Variants in CNTNAP5 observed in about 807,000 individuals in gnomAD.
CNTNAP5 encodes contactin-associated protein-like 5.
In CNTNAP5, 72 loss-of-function variants were observed where a neutral mutation model predicts 150.2. The observed-to-expected ratio is 0.48, with a 90% CI of 0.40 to 0.58. CNTNAP5 has a LOEUF of 0.58. Among genes scored for constraint, CNTNAP5 ranks in the 20% least tolerant of loss-of-function variants. The probability of loss-of-function intolerance (pLI) is 0.00; values close to 1 mark genes in which losing one functional copy is unlikely to be tolerated. For missense variants in CNTNAP5, 1,636 were observed against 1,626.2 expected (o/e 1.01, Z -0.10); for synonymous variants, 672 against 619.8 (o/e 1.08, Z -1.25).
At chr2:124,747,435 G>T in intron 14 of CNTNAP5, 50 bp downstream of exon 14, 1 of 1,600,740 alleles carries the variant, frequency 6.2e-7, no homozygotes, top group Non-Finnish European at 8.6e-7. Flanking sequence ...CACATTAATT[G>T]ATGCATAAAA....
chr2:124,703,308 T>G (rs1679565618), intron 13 of CNTNAP5, among the ~76,000 whole-genome samples: 1 of 151,510 alleles, frequency 6.6e-6, no homozygotes, highest in Admixed American at 6.6e-5. Context: ...TCATTGGTTT[T>G]TAGAACAATA....
intron 13 of CNTNAP5, among the ~76,000 whole-genome samples, chr2:124,687,284 T>C (rs1679211834): frequency 6.6e-6 from 1 of 151,886 alleles, no homozygotes; most frequent in Admixed American, 6.6e-5. Flanking sequence ...AGAGGGAGTC[T>C]GGATTAGGTA....
intron 12 of CNTNAP5, among the ~76,000 whole-genome samples, chr2:124,626,649 C>T (rs1677728910): frequency 6.6e-6 from 1 of 152,150 alleles, no homozygotes; most frequent in Admixed American, 6.5e-5. Context: ...CGAGCAGGCA[C>T]TGAGCTGCAA....
At chr2:124,910,055 A>G (rs1405050699) in intron 22 of CNTNAP5, among the ~76,000 whole-genome samples, 1 of 151,552 alleles carries the variant, frequency 6.6e-6, no homozygotes, top group Non-Finnish European at 1.5e-5. Flanking sequence ...CCTCTCTCTC[A>G]TGTTGATTTG....
intron 13 of CNTNAP5, among the ~76,000 whole-genome samples, chr2:124,655,941 G>GAAAGAAAGAAAGAAAGAAAGAAAGAA (rs1180720883): frequency 5.0e-4 from 29 of 58,148 alleles, no homozygotes; most frequent in African/African-American, 6.0e-4. Flanking sequence ...GAGAGAGAGA[G>GAAAGAAAGAAAGAAAGAAAGAAAGAA]AGAGAGAAAG....
At chr2:124,632,828 G>C (rs1163742076) in intron 12 of CNTNAP5, among the ~76,000 whole-genome samples, 1 of 152,116 alleles carries the variant, frequency 6.6e-6, no homozygotes, top group Non-Finnish European at 1.5e-5. Flanking sequence ...TGCTTCTGGG[G>C]AGGCCTCAGA....
intron 21 of CNTNAP5, among the ~76,000 whole-genome samples, chr2:124,888,291 T>A (rs957243238): frequency 6.6e-6 from 1 of 152,186 alleles, no homozygotes; most frequent in African/African-American, 2.4e-5. Context: ...TTCTGTTTTA[T>A]GGCTGCATAG....
At chr2:124,264,374 GCACACACACACACATACACA>G (rs1444211494) in intron 3 of CNTNAP5, among the ~76,000 whole-genome samples, 4 of 50,204 alleles carry the variant, frequency 8.0e-5, no homozygotes, top group Admixed American at 2.8e-4. Context: ...ACACACACAG[GCACACACACACACATACACA>G]CACACACACA....
intron 21 of CNTNAP5, among the ~76,000 whole-genome samples, chr2:124,885,929 T>A (rs1377423152): frequency 6.6e-6 from 1 of 152,008 alleles, no homozygotes; most frequent in Non-Finnish European, 1.5e-5. Context: ...GCTGTGAACA[T>A]GTGTATATAT....
intron 3 of CNTNAP5, among the ~76,000 whole-genome samples, chr2:124,253,591 T>C (rs1186043844): frequency 3.3e-5 from 5 of 152,166 alleles, no homozygotes; most frequent in Non-Finnish European, 7.4e-5. Flanking sequence ...AATGGACATA[T>C]GAAGATTTGT....
chr2:124,167,865 G>T (rs193164572), intron 1 of CNTNAP5, among the ~76,000 whole-genome samples: 2 of 152,242 alleles, frequency 1.3e-5, no homozygotes, highest in African/African-American at 4.8e-5. Context: ...GCAAGGCTGA[G>T]GCAGGAAGCC....
At chr2:124,533,188 C>T (rs1695149392) in intron 10 of CNTNAP5, among the ~76,000 whole-genome samples, 1 of 152,090 alleles carries the variant, frequency 6.6e-6, no homozygotes, top group African/African-American at 2.4e-5. Context: ...GTCTCAAGAT[C>T]AGGACTAGAA....
intron 12 of CNTNAP5, among the ~76,000 whole-genome samples, chr2:124,611,217 G>T (rs1677377663): frequency 6.6e-6 from 1 of 152,192 alleles, no homozygotes; most frequent in South Asian, 2.1e-4. Flanking sequence ...GGTATGAAAA[G>T]TAAGACACAG....
chr2:124,665,811 G>C (rs868838488), intron 13 of CNTNAP5, among the ~76,000 whole-genome samples: 1 of 151,812 alleles, frequency 6.6e-6, no homozygotes. Flanking sequence ...GCGGGAACCC[G>C]GGAGGAAGAG....
chr2:124,713,285 CTTTCTTTCT>C (rs1193569071), intron 13 of CNTNAP5, among the ~76,000 whole-genome samples: 1 of 104,968 alleles, frequency 9.5e-6, no homozygotes, highest in Non-Finnish European at 2.1e-5. Flanking sequence ...TTCTTTCTTT[CTTTCTTTCT>C]TTCTTTCTTC....
intron 3 of CNTNAP5, among the ~76,000 whole-genome samples, chr2:124,264,399 C>G (rs866531880): frequency 7.0e-5 from 7 of 100,128 alleles, no homozygotes; most frequent in East Asian, 2.9e-4. Context: ...TACACACACA[C>G]ACACACACAC....
At chr2:124,360,157 G>C (rs1690155715) in intron 3 of CNTNAP5, among the ~76,000 whole-genome samples, 1 of 148,222 alleles carries the variant, frequency 6.7e-6, no homozygotes, top group African/African-American at 2.5e-5. Context: ...CCATTTGCTT[G>C]GTAGATCTTC....
intron 6 of CNTNAP5, among the ~76,000 whole-genome samples, chr2:124,473,956 C>A (rs1303959209): frequency 6.6e-6 from 1 of 152,002 alleles, no homozygotes; most frequent in Non-Finnish European, 1.5e-5. Flanking sequence ...TAGGTTGGTG[C>A]AAATGTAATT....
At chr2:124,644,487 A>G (rs1443538386) in intron 12 of CNTNAP5, among the ~76,000 whole-genome samples, 3 of 152,248 alleles carry the variant, frequency 2.0e-5, no homozygotes, top group African/African-American at 4.8e-5. Flanking sequence ...GATATTGGTA[A>G]AGCAATTCAA....
Sources: gnomAD v4.1 joint callset for allele counts (sites outside exome capture counted in the v4.1 genomes callset) on GRCh38, gnomAD v4.1.1 for gene constraint, MANE v1.5 for transcripts, NCBI Gene and HGNC (gene_info 2026-07-23, HGNC 2026-07-21) for gene names.